CDHR2: variants seen among roughly 807,000 people sequenced by gnomAD.
CDHR2 encodes the protein cadherin related family member 2.
Under a neutral mutation model 138.6 loss-of-function variants are expected in CDHR2, and 104 were observed. That is an observed-to-expected ratio of 0.75 (90% CI 0.64 to 0.88). The LOEUF is 0.88. CDHR2 is among the 40% of genes least tolerant of loss of function. CDHR2 has a pLI of 0.00. For synonymous variants in CDHR2, 755 were observed against 742.8 expected (o/e 1.02, Z -0.27); for missense variants, 1,624 against 1,727.6 (o/e 0.94, Z 1.06).
intron 3 of CDHR2, among the ~76,000 whole-genome samples, chr5:176,567,474 C>G (rs1033986443): frequency 1.3e-5 from 2 of 150,426 alleles, no homozygotes; most frequent in African/African-American, 4.9e-5. Context: ...ACCACTACAC[C>G]TGGCTAATTT....
At chr5:176,577,305 CG>C in intron 12 of CDHR2, 93 bp from the exon 13 acceptor site, 1 of 1,351,916 alleles carries the variant, frequency 7.4e-7, no homozygotes, top group Non-Finnish European at 1.0e-6. Context: ...CCTCATCGGG[CG>C]GGGCATCCAG....
At chr5:176,564,926 A>G (rs1278284433) in intron 1 of CDHR2, among the ~76,000 whole-genome samples, 1 of 152,148 alleles carries the variant, frequency 6.6e-6, no homozygotes, top group East Asian at 1.9e-4. Context: ...TAGATGGTGC[A>G]GTGGTTGAGA....
rs1224382825 is a variant in CDHR2, at chr5:176,578,571, T to C, written c.1781T>C (p.Val594Ala). ...PVVSGSYNIFVQEEEGNVSVT... is the reference protein window; with the variant it reads ...PVVSGSYNIFAQEEEGNVSVT... ...GTTAGCGGCTCCTACAACATCTTCG[T>C]CCAGGAGGAGGAGGGCAATGTCTCC... The change falls in exon 16 of 32, where the codon GTC (valine) becomes GCC (alanine). Residue 594 changes from valine to alanine, a missense_variant. Val to Ala is a moderately conservative substitution (Grantham distance 64). This residue lies in a region of CDHR2 where 1,061 missense variants were observed against 1,136.6 expected (regional missense o/e 0.93). Coordinates refer to ENST00000261944, the MANE Select transcript of CDHR2 (RefSeq NM_017675.6). 1 of 1,613,538 alleles carries C rather than the reference T, an allele frequency of 6.2e-7. No individual in the cohort carries two copies. Among genetic ancestry groups the C allele is most frequent in the South Asian group, 1.1e-5 (1 of 91,086 alleles).
At chr5:176,557,680 A>ATT (rs1161503103) in intron 1 of CDHR2, among the ~76,000 whole-genome samples, 1 of 98,086 alleles carries the variant, frequency 1.0e-5, no homozygotes, top group African/African-American at 3.2e-5. Flanking sequence ...TTATCTGTTG[A>ATT]TTTTTTTTTC....
At chr5:176,574,311 GC>G in intron 7 of CDHR2, 139 bp downstream of exon 7, 1 of 656,800 alleles carries the variant, frequency 1.5e-6, no homozygotes, top group Non-Finnish European at 2.7e-6. Flanking sequence ...CCGTCCTCTG[GC>G]CACCAGCCCC....
In CDHR2 at chr5:176,584,933, C is replaced by T. The variant is rs35153272; in HGVS notation, c.2652C>T (p.Tyr884=). ...VYINQSKAID[Y]EACDLVTLVV... ...TCAACCAGAGCAAAGCCATCGACTA[C>T]GAGGCCTGTGACCTGGTCACGCTGG... Residue 884 remains tyrosine, a synonymous_variant, in exon 19 of 32, where the codon TAC becomes TAT. Coordinates refer to ENST00000261944, the MANE Select transcript of CDHR2 (RefSeq NM_017675.6). 2.4e-3 allele frequency: 3,771 copies of T among 1,596,850 alleles called. 75 individuals carry two copies. The African/African-American group carries it at 0.044, about 19-fold the overall frequency.
chr5:176,565,719 A>T lies in CDHR2; in HGVS notation c.100A>T (p.Ile34Phe), dbSNP rs1345407103. The T allele has an allele frequency of 6.2e-7, 1 of 1,613,816 alleles. No individual in the cohort carries two copies. Among genetic ancestry groups the T allele is most frequent in the Non-Finnish European group, 8.5e-7 (1 of 1,179,896 alleles). Residue 34 changes from isoleucine (I) to phenylalanine (F), a missense_variant, in exon 3 of 32, where the codon ATC becomes TTC. Physicochemically the swap from Ile to Phe is conservative, Grantham distance 21. This residue lies in a region of CDHR2 where 1,061 missense variants were observed against 1,136.6 expected (regional missense o/e 0.93). Coordinates refer to ENST00000261944, the MANE Select transcript of CDHR2 (RefSeq NM_017675.6). ...GTTCCTAGCCAACATGACGTCAGTGATCCTGCCTGAGGACCTGCCTGTGGG... is the reference window on the plus strand; with the variant it reads ...GTTCCTAGCCAACATGACGTCAGTGTTCCTGCCTGAGGACCTGCCTGTGGG... ...PKFLANMTSV[I>F]LPEDLPVGAQ...
intron 9 of CDHR2, 29 bp downstream of exon 9, chr5:176,575,455 G>T: frequency 6.2e-7 from 1 of 1,614,182 alleles, no homozygotes; most frequent in Non-Finnish European, 8.5e-7. Flanking sequence ...GGGTGTGGGT[G>T]GAGGCGGGAG....
intron 21 of CDHR2, among the ~76,000 whole-genome samples, chr5:176,587,205 T>C (rs1256548963): frequency 6.6e-6 from 1 of 152,182 alleles, no homozygotes; most frequent in Non-Finnish European, 1.5e-5. Context: ...CCCAGCACTT[T>C]GGGAGGCCAA....
chr5:176,595,473 C>CA, intron 31 of CDHR2, 59 bp from the exon 32 acceptor site: 2 of 1,503,686 alleles, frequency 1.3e-6, no homozygotes, highest in Non-Finnish European at 1.8e-6. Flanking sequence ...TCCCCTAGGG[C>CA]CTGGGGCACT....
At chr5:176,587,501 T>A (rs1401471273) in intron 21 of CDHR2, among the ~76,000 whole-genome samples, 3 of 151,972 alleles carry the variant, frequency 2.0e-5, no homozygotes, top group Non-Finnish European at 4.4e-5. Flanking sequence ...TAAAAAGGCT[T>A]TCAGCTGTTT....
At position 176,584,546 on chromosome 5, in the gene CDHR2, G is replaced by T. The variant is rs766581169; in HGVS notation, c.2265G>T (p.Glu755Asp). The change falls in exon 19 of 32, where the codon GAG becomes GAT. Residue 755 changes from glutamate to aspartate, a missense_variant. By Grantham distance (45) the Glu-to-Asp change is conservative (BLOSUM62 2). Around this residue, in one of 3 missense-constraint regions of CDHR2, gnomAD observed 1,061 missense variants for 1,136.6 expected, o/e 0.93. Coordinates refer to ENST00000261944, the MANE Select transcript of CDHR2 (RefSeq NM_017675.6). ...RGLVLGAGWA[E>D]GYLRLPPDVS... Reference sequence around the variant, plus strand: ...TGGTGCTGGGGGCTGGGTGGGCTGAGGGCTACCTCCGGCTGCCCCCGGACG... The same window carrying T: ...TGGTGCTGGGGGCTGGGTGGGCTGATGGCTACCTCCGGCTGCCCCCGGACG... 25 of 1,613,034 alleles carry T rather than the reference G, an allele frequency of 1.5e-5. No individual in the cohort carries two copies. Among genetic ancestry groups the T allele is most frequent in the Non-Finnish European group, 2.0e-5 (23 of 1,179,358 alleles).
rs905975454 is a variant in CDHR2 at position 176,543,490 on chromosome 5, C to T, written c.-16+721C>T. The T allele has an allele frequency of 6.6e-6, 1 of 152,028 alleles. No individual in the cohort carries two copies. The highest frequency in any genetic ancestry group is 1.5e-5 in the Non-Finnish European group (1 of 67,994). 9.4% of individuals were successfully genotyped at this position (152,028 alleles called of 1,614,324 possible). A position where few individuals can be genotyped will look rare whatever the true frequency, so the allele number is the denominator to read the frequency against. ...CCCGCGCGAATGGAGCTGCCTGGAC[C>T]GCACCACGCGTGCGGGGCGGAGCCT... On this transcript the variant is annotated intron_variant, in intron 1 of 31. Transcript: ENST00000510636. This position sits in a 1 kb window ranked among gnomAD's most constrained non-coding sequence, Gnocchi z 4.0.
rs976403982 is a variant in CDHR2 at position 176,543,880 on chromosome 5, G to C, written c.-16+1111G>C. The stretch of plus-strand genomic sequence containing the variant: ...AAACGAGGCGGCCGGCCGAGACATC[G>C]GGAGGGATTACGTTCCCCGCAACCC... On this transcript the variant is annotated intron_variant, in intron 1 of 31. Transcript: ENST00000510636. This position sits in a 1 kb window ranked among gnomAD's most constrained non-coding sequence, Gnocchi z 4.0. Among the ~76,000 whole-genome samples, 1 of 152,212 alleles carries C rather than the reference G, an allele frequency of 6.6e-6. No individual in the cohort carries two copies. Among genetic ancestry groups the C allele is most frequent in the African/African-American group, 2.4e-5 (1 of 41,466 alleles).
intron 1 of CDHR2, among the ~76,000 whole-genome samples, chr5:176,562,633 C>CT (rs1757990846): frequency 6.6e-6 from 1 of 152,070 alleles, no homozygotes; most frequent in South Asian, 2.1e-4. Context: ...GTAGTGTTAA[C>CT]TTTTTTAAAA....
Position 176,591,450 on chromosome 5 carries a change from T to A in CDHR2, c.3700T>A (p.Tyr1234Asn). The change falls in exon 30 of 32, where the codon TAC becomes AAC. Residue 1234 changes from tyrosine to asparagine, a missense_variant. Transcript: ENST00000261944. ...CCCCAACAAAGACCTGGGCTTGGAG[T>A]ACCTCTCTCCCTCCAATGACCTGGA... ...NLPNKDLGLE[Y>N]LSPSNDLDSV... is the part of the protein sequence containing the mutation. 1 of 1,613,908 alleles carries A rather than the reference T, an allele frequency of 6.2e-7. No homozygotes were observed. The highest frequency in any genetic ancestry group is 8.5e-7 in the Non-Finnish European group (1 of 1,179,968).
At chr5:176,565,254 C>A in intron 1 of CDHR2, 84 bp from the exon 2 acceptor site, 1 of 944,244 alleles carries the variant, frequency 1.1e-6, no homozygotes, top group Non-Finnish European at 1.7e-6. Flanking sequence ...GGTGGGTGGG[C>A]TCAGGTCAGA....
At chr5:176,577,874 G>GTA (rs1405051960) in intron 14 of CDHR2, 76 bp downstream of exon 14, 2 of 1,538,108 alleles carry the variant, frequency 1.3e-6, no homozygotes, top group East Asian at 2.3e-5. Context: ...GAGTGTGTGT[G>GTA]TGTGTATGTG....
At chr5:176,548,814 CT>C (rs1397161712), upstream of CDHR2, among the ~76,000 whole-genome samples, 3 of 152,050 alleles carry the variant, frequency 2.0e-5, no homozygotes, top group Non-Finnish European at 2.9e-5. Context: ...GGGCAGATGC[CT>C]TTTGAGGGTC....
Sources: allele counts gnomAD v4.1 joint callset (sites outside exome capture counted in the v4.1 genomes callset), GRCh38; gene constraint gnomAD v4.1.1; regional missense constraint gnomAD v4.1.1; non-coding constraint Gnocchi (gnomAD v3.1); transcripts MANE v1.5; gene names NCBI Gene and HGNC (gene_info 2026-07-23, HGNC 2026-07-21).